SREBF2: variants seen among roughly 807,000 people sequenced by gnomAD.
The protein encoded by SREBF2 is sterol regulatory element-binding protein 2.
SREBF2 carries 55 observed loss-of-function variants against 113.1 expected under a neutral mutation model. That is an observed-to-expected ratio of 0.49 (90% CI 0.39 to 0.61). The LOEUF is 0.61. Among genes scored for constraint, SREBF2 ranks in the 20% least tolerant of loss-of-function variants. The pLI, the probability that SREBF2 is intolerant of heterozygous loss-of-function variation, is 0.00. For synonymous variants in SREBF2, 593 were observed against 605.7 expected (o/e 0.98, Z 0.31); for missense variants, 1,349 against 1,487.4 (o/e 0.91, Z 1.53).
intron 1 of SREBF2, among the ~76,000 whole-genome samples, chr22:41,864,301 A>T (rs12171023): frequency 9.1e-6 from 1 of 109,458 alleles, no homozygotes; most frequent in African/African-American, 4.1e-5. Flanking sequence ...CAAAATATAT[A>T]TATATATGTA....
At chr22:41,882,097 G>A (rs1258293622) in intron 10 of SREBF2, among the ~76,000 whole-genome samples, 2 of 152,006 alleles carry the variant, frequency 1.3e-5, no homozygotes, top group African/African-American at 4.8e-5. Flanking sequence ...GGATCCCAGA[G>A]GATCAAGGCT....
At chr22:41,887,571 TGTTC>T (rs1411603895) in intron 11 of SREBF2, among the ~76,000 whole-genome samples, 7 of 152,244 alleles carry the variant, frequency 4.6e-5, no homozygotes, top group Non-Finnish European at 7.3e-5. Context: ...AATTATAGAT[TGTTC>T]GTTCTCATAT....
At position 41,877,316 on chromosome 22, in the gene SREBF2, C is replaced by T. The variant is rs1282869905; in HGVS notation, c.1474C>T (p.Leu492Phe). The change falls in exon 8 of 19, where the codon CTC (leucine) becomes TTC (phenylalanine). Residue 492 changes from leucine to phenylalanine, a missense_variant. Physicochemically the swap from Leu to Phe is conservative, Grantham distance 22. Around this residue, in one of 2 missense-constraint regions of SREBF2, gnomAD observed 699 missense variants for 843.3 expected, o/e 0.83. Coordinates refer to ENST00000361204, the MANE Select transcript of SREBF2 (RefSeq NM_004599.4). ...TCTGTGTGTCCTCACCTTCCTGTGC[C>T]TCTCCTTTAACCCCCTGACTTCCCT... ...ILLCVLTFLCLSFNPLTSLLQ... is the reference protein window; with the variant it reads ...ILLCVLTFLCFSFNPLTSLLQ... 1 of 1,614,220 alleles carries T rather than the reference C, an allele frequency of 6.2e-7. No individual in the cohort carries two copies. Among genetic ancestry groups the T allele is most frequent in the Non-Finnish European group, 8.5e-7 (1 of 1,180,050 alleles).
chr22:41,893,364 C>A (rs948553145), intron 12 of SREBF2, 79 bp downstream of exon 12: 3 of 1,452,252 alleles, frequency 2.1e-6, no homozygotes, highest in Non-Finnish European at 2.9e-6. Flanking sequence ...GCACCAGACA[C>A]GCGGAGACAC....
intron 5 of SREBF2, 75 bp from the exon 6 acceptor site, chr22:41,875,262 A>G (rs371916741): frequency 5.5e-6 from 7 of 1,261,346 alleles, no homozygotes; most frequent in East Asian, 2.3e-5. Context: ...TGTCATCCCA[A>G]GTGCTAGGGC....
Position 41,867,320 on chromosome 22 carries a change from A to G in SREBF2, c.538+40A>G, listed in dbSNP as rs750080322. On this transcript the variant is annotated intron_variant, in intron 2 of 18. Transcript: ENST00000361204. Reference sequence around the variant, plus strand: ...AGAATGGTAGTGGTTGGTTGGTTCCAATGTTTATGTGCCAGTTTGCAGACA... The same window carrying G: ...AGAATGGTAGTGGTTGGTTGGTTCCGATGTTTATGTGCCAGTTTGCAGACA... The G allele has an allele frequency of 3.4e-5, 55 of 1,603,670 alleles. 1 individual carries two copies. The South Asian group carries it at 5.6e-4, about 16-fold the overall frequency.
intron 5 of SREBF2, 43 bp from the exon 6 acceptor site, chr22:41,875,294 C>T (rs1304591924): frequency 1.3e-6 from 2 of 1,537,522 alleles, no homozygotes; most frequent in African/African-American, 2.7e-5. Flanking sequence ...CACACTGTAG[C>T]CTGCACTGGT....
At chr22:41,878,741 GAAC>G in intron 9 of SREBF2, 1 of 1,304,238 alleles carries the variant, frequency 7.7e-7, no homozygotes, top group Non-Finnish European at 1.0e-6. Context: ...ACAAGAACCA[GAAC>G]ACTCCTCAGC....
At chr22:41,864,255 TATATATACAC>T (rs1461976826) in intron 1 of SREBF2, among the ~76,000 whole-genome samples, 1,687 of 75,470 alleles carry the variant, frequency 0.022, 19 homozygotes, top group Admixed American at 0.037. Flanking sequence ...TATATATATA[TATATATACAC>T]ACACACACAC....
chr22:41,862,366 C>G (rs560368746), intron 1 of SREBF2, among the ~76,000 whole-genome samples: 1 of 152,308 alleles, frequency 6.6e-6, no homozygotes, highest in East Asian at 1.9e-4. Flanking sequence ...GCCTCACCTA[C>G]TTTGTTAAGC....
Position 41,866,932 on chromosome 22 carries a change from A to G in SREBF2, c.190A>G (p.Ser64Gly). The G allele has an allele frequency of 6.2e-7, 1 of 1,613,440 alleles. No individual in the cohort carries two copies. The highest frequency in any genetic ancestry group is 2.2e-5 in the East Asian group (1 of 44,892). ...TGGCAGTGGTGGTAGTGGTAGCAGC[A>G]GCGGCAGCAGTGGCAGCAGCAGCAG... is the stretch of plus-strand genomic sequence containing the variant. Reference protein sequence around the residue: ...FPGSGGSGSSSGSSGSSSSSS... With the variant: ...FPGSGGSGSSGGSSGSSSSSS... The change falls in exon 2 of 19, where the codon AGC (serine) becomes GGC (glycine). Residue 64 changes from serine to glycine, a missense_variant. Physicochemically the swap from Ser to Gly is moderately conservative, Grantham distance 56 (BLOSUM62 0). Coordinates refer to ENST00000361204, the MANE Select transcript of SREBF2 (RefSeq NM_004599.4).
intron 1 of SREBF2, among the ~76,000 whole-genome samples, chr22:41,838,880 A>T (rs895285261): frequency 6.6e-6 from 1 of 152,174 alleles, no homozygotes; most frequent in Non-Finnish European, 1.5e-5. Context: ...CCCTCATTCA[A>T]ATACCTTTCC....
At chr22:41,839,474 C>T (rs1355307993) in intron 1 of SREBF2, among the ~76,000 whole-genome samples, 3 of 151,870 alleles carry the variant, frequency 2.0e-5, no homozygotes, top group Non-Finnish European at 2.9e-5. Context: ...TGCAAGGAGT[C>T]GTGGGACTTG....
At chr22:41,895,280 C>T (rs980546355) in intron 13 of SREBF2, among the ~76,000 whole-genome samples, 2 of 152,092 alleles carry the variant, frequency 1.3e-5, no homozygotes, top group East Asian at 3.9e-4. Context: ...GCTGGGACTA[C>T]AGGCGCCTGC....
chr22:41,842,194 AG>A (rs1221196829), intron 1 of SREBF2, among the ~76,000 whole-genome samples: 1 of 152,218 alleles, frequency 6.6e-6, no homozygotes, highest in Admixed American at 6.5e-5. Flanking sequence ...TACTATGAAA[AG>A]TCTTGCTCCC....
At position 41,897,080 on chromosome 22, in the gene SREBF2, A is replaced by G. The variant is rs1411786302; in HGVS notation, c.2524A>G (p.Lys842Glu). ...CEFSSALEYL[K>E]LLHSFVDSVG... ...ATTCTCCAGTGCTCTGGAGTACTTG[A>G]AATTACTTCATTCTTTTGTGGACTC... The change falls in exon 14 of 19, where the codon AAA becomes GAA. Residue 842 changes from lysine to glutamate, a missense_variant. Coordinates refer to ENST00000361204, the MANE Select transcript of SREBF2 (RefSeq NM_004599.4). The G allele has an allele frequency of 1.2e-6, 2 of 1,613,292 alleles. No homozygotes were observed. Among genetic ancestry groups the G allele is most frequent in the Admixed American group, 3.3e-5 (2 of 59,994 alleles).
At chr22:41,901,083 A>G in intron 16 of SREBF2, 1 of 439,120 alleles carries the variant, frequency 2.3e-6, no homozygotes. Flanking sequence ...ATCCTGATAG[A>G]GGGCACTGCT....
chr22:41,874,094 A>AACT, intron 5 of SREBF2, 75 bp downstream of exon 5: 1 of 1,497,544 alleles, frequency 6.7e-7, no homozygotes, highest in South Asian at 1.2e-5. Context: ...GAGCCTAGAG[A>AACT]AGTCCCAGGC....
intron 4 of SREBF2, among the ~76,000 whole-genome samples, chr22:41,872,207 G>GCCA (rs2077150852): frequency 6.8e-6 from 1 of 146,932 alleles, no homozygotes; most frequent in Non-Finnish European, 1.5e-5. Flanking sequence ...CCAAGATTGC[G>GCCA]CCACTGCACT....
Sources: allele counts gnomAD v4.1 joint callset (sites outside exome capture counted in the v4.1 genomes callset), GRCh38; gene constraint gnomAD v4.1.1; regional missense constraint gnomAD v4.1.1; transcripts MANE v1.5; gene names NCBI Gene and HGNC (gene_info 2026-07-23, HGNC 2026-07-21).